The following GNG12 variants were observed in gnomAD, a reference collection of about 807,000 sequenced individuals.
The protein encoded by GNG12 is G protein subunit gamma 12, also known as guanine nucleotide-binding protein G(I)/G(S)/G(O) subunit gamma-12.
For missense variants in GNG12, 69 were observed against 83.8 expected, an observed-to-expected ratio of 0.82 and a Z score of 0.69; for synonymous variants, 28 against 29.7, an observed-to-expected ratio of 0.94 and a Z score of 0.19.
In GNG12 at chr1:67,709,839, T is replaced by G. The variant is rs538686656; in HGVS notation, c.-26-2127A>C. On this transcript the variant is annotated intron_variant, in intron 2 of 3. Coordinates refer to ENST00000370982, the MANE Select transcript of GNG12 (RefSeq NM_018841.6). Reference sequence around the variant, plus strand: ...ATATATATATATAAATATATATATATTTGTATATATATTTATATATATATA... The same window carrying G: ...ATATATATATATAAATATATATATAGTTGTATATATATTTATATATATATA... Among the ~76,000 whole-genome samples the G allele has an allele frequency of 7.6e-3, 969 of 127,312 alleles. 15 individuals carry two copies. The highest frequency in any genetic ancestry group is 0.034 in the South Asian group (153 of 4,452). 83.5% of individuals were successfully genotyped at this position (127,312 alleles called of 152,430 possible).
chr1:67,793,044 CTG>C (rs1283704009), intron 1 of GNG12, among the ~76,000 whole-genome samples: 2 of 152,190 alleles, frequency 1.3e-5, no homozygotes, highest in Non-Finnish European at 2.9e-5. Flanking sequence ...CAATGTCACT[CTG>C]TGAATTCCAC....
At chr1:67,718,519 C>T (rs552322479) in intron 2 of GNG12, among the ~76,000 whole-genome samples, 5 of 152,130 alleles carry the variant, frequency 3.3e-5, no homozygotes, top group Non-Finnish European at 2.9e-5. Flanking sequence ...ATAGTGGCTG[C>T]CTTACTAGAC....
chr1:67,783,817 C>G lies in GNG12; in HGVS notation c.-76-6310G>C, dbSNP rs1239109275. On this transcript the variant is annotated intron_variant, in intron 1 of 3. Transcript: ENST00000370982. ...CGATCATTAAAAAGTCAGGAAACAA[C>G]AGGTGCTGGAGAGGATGTGGAGAAA... 2.6e-5 allele frequency among the ~76,000 whole-genome samples: 4 copies of G among 151,932 alleles called. No individual in the cohort carries two copies. The East Asian group carries it at 7.7e-4, about 29-fold the overall frequency.
intron 2 of GNG12, among the ~76,000 whole-genome samples, chr1:67,735,399 C>T (rs1287844293): frequency 6.6e-6 from 1 of 152,162 alleles, no homozygotes; most frequent in Non-Finnish European, 1.5e-5. Flanking sequence ...CTGCTGATCA[C>T]ACTTTGAGTG....
chr1:67,706,541 A>G (rs1452895554), intron 3 of GNG12, among the ~76,000 whole-genome samples: 1 of 152,224 alleles, frequency 6.6e-6, no homozygotes, highest in Non-Finnish European at 1.5e-5. Context: ...GCAATGGGGC[A>G]GCTGAGCCCT....
At chr1:67,795,263 T>G (rs559853461) in intron 1 of GNG12, among the ~76,000 whole-genome samples, 119 of 152,340 alleles carry the variant, frequency 7.8e-4, no homozygotes, top group African/African-American at 2.8e-3. Flanking sequence ...GCACCTTTTC[T>G]TGACATTTGA....
intron 2 of GNG12, among the ~76,000 whole-genome samples, chr1:67,750,640 C>T (rs1298880245): frequency 6.6e-6 from 1 of 152,128 alleles, no homozygotes; most frequent in Non-Finnish European, 1.5e-5. Flanking sequence ...GGCAGGGTTT[C>T]AAAAGTTGGT....
chr1:67,722,540 A>G (rs1431717245), intron 2 of GNG12, among the ~76,000 whole-genome samples: 1 of 149,088 alleles, frequency 6.7e-6, no homozygotes, highest in Admixed American at 6.7e-5. Flanking sequence ...TGAGGACTTG[A>G]GTAGCCAGAA....
At chr1:67,744,680 C>T (rs900787462) in intron 2 of GNG12, among the ~76,000 whole-genome samples, 3 of 152,122 alleles carry the variant, frequency 2.0e-5, no homozygotes, top group Non-Finnish European at 2.9e-5. Flanking sequence ...CATGCAGATG[C>T]TATTAATATC....
At chr1:67,715,516 G>T (rs1646320430) in intron 2 of GNG12, among the ~76,000 whole-genome samples, 1 of 152,132 alleles carries the variant, frequency 6.6e-6, no homozygotes, top group South Asian at 2.1e-4. Context: ...TGACAAGCAG[G>T]GTGGTGGGCA....
rs918467324 is a variant in GNG12, at chr1:67,822,080, CA to C, written c.-77+11263del. ...GCTGATGAGCTGAAAAAAAAAATCG[CA>C]AAAAAAATCTCATAATGTTTTAAGC... On this transcript the variant is annotated intron_variant, in intron 1 of 3. Transcript: ENST00000370982. Among the ~76,000 whole-genome samples the C allele has an allele frequency of 4.6e-5, 7 of 151,130 alleles. No homozygotes were observed. In the East Asian group the frequency reaches 7.8e-4, roughly 17 times the overall value.
intron 2 of GNG12, among the ~76,000 whole-genome samples, chr1:67,775,273 T>A (rs1646698250): frequency 6.6e-6 from 1 of 152,252 alleles, no homozygotes; most frequent in Non-Finnish European, 1.5e-5. Context: ...AAGACTGAGT[T>A]AGTAAGGTTC....
intron 1 of GNG12, among the ~76,000 whole-genome samples, chr1:67,795,959 C>G (rs1646829235): frequency 2.0e-5 from 3 of 152,218 alleles, no homozygotes; most frequent in Admixed American, 2.0e-4. Flanking sequence ...ATACTTTCTC[C>G]TACGGGTACA....
intron 1 of GNG12, among the ~76,000 whole-genome samples, chr1:67,805,072 C>T (rs1191304022): frequency 1.3e-5 from 2 of 152,110 alleles, no homozygotes; most frequent in Non-Finnish European, 2.9e-5. Flanking sequence ...AAAGAAATAC[C>T]CAACTCCAGT....
At chr1:67,710,368 C>T (rs1266867274) in intron 2 of GNG12, among the ~76,000 whole-genome samples, 1 of 150,018 alleles carries the variant, frequency 6.7e-6, no homozygotes, top group Non-Finnish European at 1.5e-5. Flanking sequence ...TTCTATGTTG[C>T]ACCCTAAGGA....
At chr1:67,735,207 G>C (rs193028421) in intron 2 of GNG12, among the ~76,000 whole-genome samples, 2 of 152,320 alleles carry the variant, frequency 1.3e-5, no homozygotes, top group East Asian at 3.9e-4. Context: ...TCCATGCCAT[G>C]TATTTTGGAA....
intron 2 of GNG12, among the ~76,000 whole-genome samples, chr1:67,750,159 T>G (rs1646530082): frequency 6.6e-6 from 1 of 152,096 alleles, no homozygotes; most frequent in Non-Finnish European, 1.5e-5. Flanking sequence ...CACATGCCAT[T>G]TGTAGTTTTG....
chr1:67,797,965 CT>C (rs1646842112), intron 1 of GNG12, among the ~76,000 whole-genome samples: 1 of 152,170 alleles, frequency 6.6e-6, no homozygotes, highest in South Asian at 2.1e-4. Context: ...CTCAAATGCC[CT>C]TTCCTCAGAT....
At chr1:67,800,292 A>G (rs1339022404) in intron 1 of GNG12, among the ~76,000 whole-genome samples, 1 of 152,202 alleles carries the variant, frequency 6.6e-6, no homozygotes, top group Non-Finnish European at 1.5e-5. Flanking sequence ...CAAAGTCGAA[A>G]TATGGGGAAG....
Sources: allele counts gnomAD v4.1 joint callset (sites outside exome capture counted in the v4.1 genomes callset), GRCh38; gene constraint gnomAD v4.1.1; transcripts MANE v1.5; gene names NCBI Gene and HGNC (gene_info 2026-07-23, HGNC 2026-07-21).